PARD3B: variants seen among roughly 807,000 people sequenced by gnomAD.
PARD3B encodes par-3 family cell polarity regulator beta.
Under a neutral mutation model 130.2 loss-of-function variants are expected in PARD3B, and 103 were observed. The ratio of observed to expected loss-of-function variants is 0.79; its 90% CI spans 0.67 to 0.93. The LOEUF is 0.93. Ranked by LOEUF, PARD3B falls within the 40% of genes least tolerant of loss-of-function variation. The pLI is 0.00. For synonymous variants in PARD3B, 583 were observed against 553.2 expected (o/e 1.05, Z -0.76); for missense variants, 1,609 against 1,499.2 (o/e 1.07, Z -1.21).
In PARD3B at chr2:205,274,725, A is replaced by C. The variant is rs2105811693; in HGVS notation, c.2186-25805A>C. Among the ~76,000 whole-genome samples, 1 of 152,274 alleles carries C rather than the reference A, an allele frequency of 6.6e-6. No individual in the cohort carries two copies. The highest frequency in any genetic ancestry group is 1.5e-5 in the Non-Finnish European group (1 of 68,008). On this transcript the variant is annotated intron_variant, in intron 16 of 22. Coordinates refer to ENST00000406610, the MANE Select transcript of PARD3B (RefSeq NM_001302769.2). This position sits in a 1 kb window ranked among gnomAD's most constrained non-coding sequence, Gnocchi z 4.2. The stretch of plus-strand genomic sequence containing the variant: ...TCAGTTAGCACCAAATGCAGAATTT[A>C]TTATGCAACTTTTAAGCCCTCTACA...
At chr2:205,350,663 G>A (rs139513199) in intron 18 of PARD3B, among the ~76,000 whole-genome samples, 91 of 152,030 alleles carry the variant, frequency 6.0e-4, no homozygotes, top group Non-Finnish European at 1.1e-3. Context: ...CTTAATAGCC[G>A]AGGCAAAGTC....
chr2:204,624,330 G>T (rs1213096321), intron 1 of PARD3B, among the ~76,000 whole-genome samples: 2 of 152,024 alleles, frequency 1.3e-5, no homozygotes, highest in South Asian at 2.1e-4. Flanking sequence ...GTGTTGGCAG[G>T]GATGTGGAAA....
intron 3 of PARD3B, among the ~76,000 whole-genome samples, chr2:204,998,543 T>C (rs1156716919): frequency 1.4e-5 from 2 of 141,380 alleles, no homozygotes; most frequent in Non-Finnish European, 3.1e-5. Context: ...TGTGTATATA[T>C]ATATAAAGAA....
intron 1 of PARD3B, among the ~76,000 whole-genome samples, chr2:204,569,349 C>T (rs1415487116): frequency 6.6e-6 from 1 of 152,204 alleles, no homozygotes; most frequent in East Asian, 1.9e-4. Context: ...TAATGCCTCT[C>T]TTTAAGCTCC....
At chr2:204,798,437 A>G (rs959690645) in intron 2 of PARD3B, among the ~76,000 whole-genome samples, 2 of 152,144 alleles carry the variant, frequency 1.3e-5, no homozygotes, top group Non-Finnish European at 2.9e-5. Context: ...CGGGGTTCTA[A>G]ATAAACTTGA....
intron 18 of PARD3B, among the ~76,000 whole-genome samples, chr2:205,356,374 CAG>C (rs1253261301): frequency 6.6e-6 from 1 of 152,010 alleles, no homozygotes; most frequent in African/African-American, 2.4e-5. Flanking sequence ...TTATTTGAGA[CAG>C]AGTCTTGCTC....
chr2:204,919,073 G>A (rs1187326629), intron 2 of PARD3B, among the ~76,000 whole-genome samples: 1 of 151,980 alleles, frequency 6.6e-6, no homozygotes, highest in African/African-American at 2.4e-5. Flanking sequence ...CCTAGATTTG[G>A]CAAATAACAT....
In PARD3B at chr2:204,648,712, AATAT is replaced by A. The variant is rs1415780308; in HGVS notation, c.121-37464_121-37461del. On this transcript the variant is annotated intron_variant, in intron 1 of 22. Transcript: ENST00000406610. ...TATTTATAATATATATCATATAAAT[AATAT>A]ATATTTATAATAGATATCATATAAA... is the stretch of plus-strand genomic sequence containing the variant. Among the ~76,000 whole-genome samples, 190 of 82,646 alleles carry A rather than the reference AATAT, an allele frequency of 2.3e-3. 1 individual carries two copies. Among genetic ancestry groups the A allele is most frequent in the Non-Finnish European group, 3.7e-3 (174 of 47,286 alleles). 54.2% of individuals were successfully genotyped at this position (82,646 alleles called of 152,430 possible).
In PARD3B at chr2:205,280,613, G is replaced by A. The variant is rs1472837741; in HGVS notation, c.2186-19917G>A. On this transcript the variant is annotated intron_variant, in intron 16 of 22. Transcript: ENST00000406610. The surrounding 1 kb of genome is among the most constrained non-coding windows in gnomAD (Gnocchi z 4.7). Reference sequence around the variant, plus strand: ...TAAATAAGTATCTGTTGTCTCCCCAGATCAAGCTGTGTTTGTCTTATTTGT... The same window carrying A: ...TAAATAAGTATCTGTTGTCTCCCCAAATCAAGCTGTGTTTGTCTTATTTGT... Among the ~76,000 whole-genome samples, 1 of 152,182 alleles carries A rather than the reference G, an allele frequency of 6.6e-6. No homozygotes were observed. Among genetic ancestry groups the A allele is most frequent in the Non-Finnish European group, 1.5e-5 (1 of 68,026 alleles).
intron 18 of PARD3B, among the ~76,000 whole-genome samples, chr2:205,381,770 T>C (rs2045458731): frequency 6.6e-6 from 1 of 152,046 alleles, no homozygotes; most frequent in Non-Finnish European, 1.5e-5. Context: ...GTAGACAATG[T>C]ATATATTTCT....
Position 205,559,344 on chromosome 2 carries a change from C to T in PARD3B, c.3260+5941C>T, listed in dbSNP as rs111735367. Among the ~76,000 whole-genome samples, 492 of 152,094 alleles carry T rather than the reference C, an allele frequency of 3.2e-3. 5 individuals carry two copies. Among genetic ancestry groups the T allele is most frequent in the Admixed American group, 6.2e-3 (95 of 15,276 alleles). ...ATTTTTTTGTAAAGACAAGGTTTTGCCAAGTTGCCCAGGCTGGTCTCGAAC... is the reference window on the plus strand; with the variant it reads ...ATTTTTTTGTAAAGACAAGGTTTTGTCAAGTTGCCCAGGCTGGTCTCGAAC... On this transcript the variant is annotated intron_variant, in intron 22 of 22. Transcript: ENST00000406610.
chr2:205,159,700 C>T (rs1467982604), intron 11 of PARD3B, among the ~76,000 whole-genome samples: 1 of 152,142 alleles, frequency 6.6e-6, no homozygotes, highest in South Asian at 2.1e-4. Flanking sequence ...ACGTTTGCAC[C>T]TCTTGCCACC....
At chr2:204,999,620 A>G (rs1694655674) in intron 3 of PARD3B, among the ~76,000 whole-genome samples, 1 of 152,212 alleles carries the variant, frequency 6.6e-6, no homozygotes, top group Non-Finnish European at 1.5e-5. Flanking sequence ...AATCCCACTG[A>G]TAATCATTGT....
chr2:205,181,666 T>A (rs188471529), intron 13 of PARD3B, among the ~76,000 whole-genome samples: 4 of 152,346 alleles, frequency 2.6e-5, no homozygotes, highest in Non-Finnish European at 2.9e-5. Flanking sequence ...TGTCTAAAGT[T>A]ACAATCTCTT....
rs115119848 is a variant in PARD3B, at chr2:205,463,069, A to T, written c.3044+22397A>T. On this transcript the variant is annotated intron_variant, in intron 20 of 22. Transcript: ENST00000406610. The surrounding 1 kb of genome is among the most constrained non-coding windows in gnomAD (Gnocchi z 4.8). ...GTCATCTCAGCATCAACTGACAATT[A>T]TTTTTTTTGCCCTCAATATCCTTCC... Among the ~76,000 whole-genome samples the T allele has an allele frequency of 1.6e-3, 243 of 151,858 alleles. 1 individual carries two copies. The highest frequency in any genetic ancestry group is 2.7e-3 in the Non-Finnish European group (180 of 67,918).
rs538697449 is a variant in PARD3B, at chr2:205,558,653, T to G, written c.3260+5250T>G. Among the ~76,000 whole-genome samples the G allele has an allele frequency of 3.9e-5, 6 of 152,316 alleles. No individual in the cohort carries two copies. In the East Asian group the frequency reaches 1.2e-3, roughly 29 times the overall value. ...CCACCAGACTCTGCTTCCCGCCTTT[T>G]GCTCCACATGGATTCTCTCTGTGCC... On this transcript the variant is annotated intron_variant, in intron 22 of 22. Coordinates refer to ENST00000406610, the MANE Select transcript of PARD3B (RefSeq NM_001302769.2). This position sits in a 1 kb window ranked among gnomAD's most constrained non-coding sequence, Gnocchi z 4.8.
chr2:204,595,979 G>A (rs1253961900), intron 1 of PARD3B, among the ~76,000 whole-genome samples: 1 of 152,222 alleles, frequency 6.6e-6, no homozygotes, highest in Admixed American at 6.5e-5. Flanking sequence ...GATGCTGCAA[G>A]CAAAACATGT....
chr2:204,788,286 C>T (rs2042080718), intron 2 of PARD3B, among the ~76,000 whole-genome samples: 1 of 152,204 alleles, frequency 6.6e-6, no homozygotes, highest in Non-Finnish European at 1.5e-5. Context: ...TCTGTTTCAA[C>T]AGAATCTATG....
At chr2:205,110,119 C>G (rs541062047) in intron 5 of PARD3B, among the ~76,000 whole-genome samples, 2 of 152,222 alleles carry the variant, frequency 1.3e-5, no homozygotes, top group South Asian at 4.2e-4. Flanking sequence ...AATAAATTAC[C>G]CCCGGCTCCC....
Sources: allele counts gnomAD v4.1 joint callset (sites outside exome capture counted in the v4.1 genomes callset), GRCh38; gene constraint gnomAD v4.1.1; non-coding constraint Gnocchi (gnomAD v3.1); transcripts MANE v1.5; gene names NCBI Gene and HGNC (gene_info 2026-07-23, HGNC 2026-07-21).